The following TRIM69 variants were observed in gnomAD, a reference collection of about 807,000 sequenced individuals.
TRIM69 encodes the protein E3 ubiquitin-protein ligase TRIM69.
Under a neutral mutation model 37.7 loss-of-function variants are expected in TRIM69, and 29 were observed. The observed-to-expected ratio is 0.77, with a 90% confidence interval of 0.57 to 1.05. The LOEUF is 1.05. TRIM69 is among the 50% of genes least tolerant of loss of function. The pLI, the probability that TRIM69 is intolerant of heterozygous loss-of-function variation, is 0.00. For synonymous variants in TRIM69, 209 were observed against 212.4 expected (o/e 0.98, Z 0.14); for missense variants, 596 against 579.9 (o/e 1.03, Z -0.28).
chr15:44,753,671 T>C (rs1326080231), intron 1 of TRIM69: 1 of 152,188 alleles, frequency 6.6e-6, no homozygotes, highest in African/African-American at 2.4e-5. Flanking sequence ...GCTTCTTGGA[T>C]GTAAAATTTC....
At chr15:44,748,623 G>A (rs1328659221) in intron 1 of TRIM69, among the ~76,000 whole-genome samples, 2 of 151,830 alleles carry the variant, frequency 1.3e-5, no homozygotes, top group East Asian at 2.0e-4. Context: ...TCAGGAGTTC[G>A]AGACCAGCCT....
intron 1 of TRIM69, chr15:44,753,479 C>A (rs776218636): frequency 6.6e-6 from 1 of 152,072 alleles, no homozygotes; most frequent in East Asian, 1.9e-4. Context: ...TCATCTCTCT[C>A]CTTCTTGGCT....
At chr15:44,739,241 G>A (rs924518915) in intron 1 of TRIM69, among the ~76,000 whole-genome samples, 11 of 152,192 alleles carry the variant, frequency 7.2e-5, no homozygotes, top group Non-Finnish European at 1.5e-4. Context: ...AACACACGGA[G>A]GGGGCAGCCA....
intron 1 of TRIM69, among the ~76,000 whole-genome samples, chr15:44,749,055 GT>G (rs763318848): frequency 8.4e-4 from 128 of 151,648 alleles, no homozygotes; most frequent in Non-Finnish European, 1.5e-3. Context: ...TTTTGTTTTT[GT>G]TTTTGTTTTT....
At chr15:44,743,790 G>GA (rs1318033466) in intron 1 of TRIM69, among the ~76,000 whole-genome samples, 3 of 152,096 alleles carry the variant, frequency 2.0e-5, no homozygotes, top group Non-Finnish European at 1.5e-5. Context: ...TGGCATCATT[G>GA]AAAAGTCAGG....
intron 6 of TRIM69, among the ~76,000 whole-genome samples, chr15:44,761,315 T>TAG (rs981936725): frequency 6.6e-5 from 10 of 152,222 alleles, no homozygotes; most frequent in African/African-American, 2.4e-4. Flanking sequence ...GGACATGGGG[T>TAG]AGTCCATGGT....
chr15:44,746,254 C>A (rs2141315955), intron 1 of TRIM69, among the ~76,000 whole-genome samples: 1 of 152,198 alleles, frequency 6.6e-6, no homozygotes, highest in African/African-American at 2.4e-5. Flanking sequence ...TTGTATCTGG[C>A]CAAACTATCT....
At chr15:44,739,738 G>A (rs2087241084) in intron 1 of TRIM69, among the ~76,000 whole-genome samples, 1 of 151,874 alleles carries the variant, frequency 6.6e-6, no homozygotes, top group Non-Finnish European at 1.5e-5. Context: ...AGCTCGAACT[G>A]GGTGGAGCCC....
chr15:44,767,562 T>C lies in TRIM69; in HGVS notation c.1293T>C (p.Ser431=). The C allele has an allele frequency of 2.5e-6, 4 of 1,614,222 alleles. No homozygotes were observed. Among genetic ancestry groups the C allele is most frequent in the Non-Finnish European group, 3.4e-6 (4 of 1,180,036 alleles). ...QTDLKALDLP[S]FSLTLTNNLD... The stretch of plus-strand genomic sequence containing the variant: ...ATCTAAAGGCTCTGGATTTGCCTTC[T>C]TTCAGTCTGACACTGACTAACAACC... The change falls in exon 7 of 7, where the codon TCT becomes TCC. Residue 431 remains serine, a synonymous_variant. Transcript: ENST00000329464.
intron 3 of TRIM69, chr15:44,756,770 A>T (rs1204415286): frequency 4.4e-6 from 1 of 225,222 alleles, no homozygotes; most frequent in Non-Finnish European, 8.6e-6. Context: ...GGCAAAAAAA[A>T]AAAAGGAACT....
chr15:44,743,420 T>C (rs948103349), intron 1 of TRIM69, among the ~76,000 whole-genome samples: 1 of 152,158 alleles, frequency 6.6e-6, no homozygotes, highest in African/African-American at 2.4e-5. Context: ...ACTTCATGTC[T>C]AAAACACCAA....
chr15:44,767,734 G>C lies in TRIM69; in HGVS notation c.1465G>C (p.Glu489Gln). ...YFCPCLNDGGENKEPLHILHP... is the reference protein window; with the variant it reads ...YFCPCLNDGGQNKEPLHILHP... ...CTGCCCCTGCCTTAATGATGGTGGA[G>C]AGAATAAAGAACCATTGCACATCTT... The change falls in exon 7 of 7, where the codon GAG becomes CAG. Residue 489 changes from glutamate (E) to glutamine (Q), a missense_variant. Physicochemically the swap from Glu to Gln is conservative, Grantham distance 29 (BLOSUM62 2). Coordinates refer to ENST00000329464, the MANE Select transcript of TRIM69 (RefSeq NM_182985.5). The C allele has an allele frequency of 1.9e-6, 3 of 1,613,556 alleles. No homozygotes were observed. Among genetic ancestry groups the C allele is most frequent in the Non-Finnish European group, 2.5e-6 (3 of 1,180,004 alleles).
chr15:44,763,021 A>C (rs905433363), intron 6 of TRIM69, among the ~76,000 whole-genome samples: 1 of 152,206 alleles, frequency 6.6e-6, no homozygotes, highest in African/African-American at 2.4e-5. Flanking sequence ...TATTATTAAC[A>C]TCTTAGATTT....
chr15:44,758,364 G>C (rs1029325273), intron 3 of TRIM69: 1 of 560,892 alleles, frequency 1.8e-6, no homozygotes, highest in Non-Finnish European at 3.2e-6. Context: ...ATATGGCATT[G>C]GTTACCATCT....
chr15:44,755,494 C>G, intron 2 of TRIM69, 118 bp downstream of exon 2: 1 of 781,518 alleles, frequency 1.3e-6, no homozygotes, highest in South Asian at 1.8e-5. Flanking sequence ...AAAGCCCAGA[C>G]TGCTCAGAAA....
At chr15:44,761,006 C>T (rs1024442945) in intron 6 of TRIM69, among the ~76,000 whole-genome samples, 4 of 152,014 alleles carry the variant, frequency 2.6e-5, no homozygotes, top group Non-Finnish European at 4.4e-5. Context: ...CAAGCTCTGC[C>T]TCCAGGGTTC....
At chr15:44,739,722 C>T (rs1352814188) in intron 1 of TRIM69, among the ~76,000 whole-genome samples, 1 of 151,872 alleles carries the variant, frequency 6.6e-6, no homozygotes, top group Non-Finnish European at 1.5e-5. Flanking sequence ...AACAAAGCAG[C>T]CGGGAAGCTC....
chr15:44,767,053 C>CAAAGAAAAAAAA (rs2087904932), intron 6 of TRIM69, among the ~76,000 whole-genome samples, 178 bp from the exon 7 acceptor site: 1 of 24,312 alleles, frequency 4.1e-5, no homozygotes, highest in Non-Finnish European at 6.9e-5. Flanking sequence ...TTGTCTGCCT[C>CAAAGAAAAAAAA]AAAAAAAAAA....
At chr15:44,763,536 G>A (rs1426272450) in intron 6 of TRIM69, among the ~76,000 whole-genome samples, 2 of 152,194 alleles carry the variant, frequency 1.3e-5, no homozygotes, top group Admixed American at 6.5e-5. Flanking sequence ...CACGCTTAAG[G>A]AGGGGATAGT....
Sources: gnomAD v4.1 joint callset for allele counts (sites outside exome capture counted in the v4.1 genomes callset) on GRCh38, gnomAD v4.1.1 for gene constraint, MANE v1.5 for transcripts, NCBI Gene and HGNC (gene_info 2026-07-23, HGNC 2026-07-21) for gene names.